ADORA2B: variants seen among roughly 807,000 people sequenced by gnomAD.
The protein encoded by ADORA2B is adenosine A2b receptor.
In ADORA2B, 18 loss-of-function variants were observed where a neutral mutation model predicts 20.8. That is an observed-to-expected ratio of 0.87 (90% CI 0.60 to 1.29). The LOEUF (loss-of-function observed/expected upper bound fraction) is 1.29. ADORA2B is among the 50% of genes most tolerant of loss of function. ADORA2B has a pLI of 0.00. For missense variants in ADORA2B, 441 were observed against 422.7 expected, an observed-to-expected ratio of 1.04 and a Z score of -0.38; for synonymous variants, 179 against 178.3, an observed-to-expected ratio of 1.00 and a Z score of -0.03.
chr17:15,917,410 G>T, the ADORA2B span, among the ~76,000 whole-genome samples: 1 of 152,230 alleles, frequency 6.6e-6, no homozygotes, highest in African/African-American at 2.4e-5. Flanking sequence ...CCCAAGGGGC[G>T]CCCACAAGGC....
chr17:15,879,295 T>C, the ADORA2B span, among the ~76,000 whole-genome samples: 1 of 151,840 alleles, frequency 6.6e-6, no homozygotes, highest in Non-Finnish European at 1.5e-5. Flanking sequence ...ACAAAAATGT[T>C]TTAGAAAAAT....
chr17:15,936,543 C>T, the ADORA2B span, among the ~76,000 whole-genome samples: 1 of 152,150 alleles, frequency 6.6e-6, no homozygotes, highest in Admixed American at 6.5e-5. Context: ...TGGTCTCAAA[C>T]TCCTGACCTC....
At chr17:15,968,411 C>G (rs551324164) in intron 1 of ADORA2B, among the ~76,000 whole-genome samples, 1 of 152,148 alleles carries the variant, frequency 6.6e-6, no homozygotes, top group African/African-American at 2.4e-5. Flanking sequence ...TACATACATA[C>G]CATAACATCG....
chr17:15,946,359 CTT>C (rs1048924165), intron 1 of ADORA2B, among the ~76,000 whole-genome samples: 1 of 152,224 alleles, frequency 6.6e-6, no homozygotes, highest in Admixed American at 6.5e-5. Context: ...CTTGTCCACT[CTT>C]TCTCCCACAC....
At chr17:15,860,373 C>G in the ADORA2B span, among the ~76,000 whole-genome samples, 1 of 152,134 alleles carries the variant, frequency 6.6e-6, no homozygotes, top group Admixed American at 6.5e-5. Context: ...AATGGCCTTT[C>G]TCATGTAAAA....
At chr17:15,952,161 A>G (rs1969913394) in intron 1 of ADORA2B, among the ~76,000 whole-genome samples, 1 of 152,176 alleles carries the variant, frequency 6.6e-6, no homozygotes, top group Admixed American at 6.5e-5. Flanking sequence ...GACCACGTGC[A>G]GGGCAGGACC....
intron 1 of ADORA2B, among the ~76,000 whole-genome samples, chr17:15,955,971 C>T (rs1346688012): frequency 4.6e-5 from 7 of 152,024 alleles, no homozygotes; most frequent in Middle Eastern, 3.4e-3. Flanking sequence ...CTGCCTGCCT[C>T]GGCCTCCATA....
chr17:15,956,923 A>T (rs1969973521), intron 1 of ADORA2B, among the ~76,000 whole-genome samples: 2 of 152,180 alleles, frequency 1.3e-5, no homozygotes, highest in African/African-American at 4.8e-5. Context: ...TGTCATTAAA[A>T]TGTGATTTTG....
chr17:15,971,556 T>A (rs1388201301), intron 1 of ADORA2B, among the ~76,000 whole-genome samples: 1 of 152,074 alleles, frequency 6.6e-6, no homozygotes, highest in African/African-American at 2.4e-5. Flanking sequence ...CAAGTATTCC[T>A]AGTAAGTAGA....
chr17:15,954,361 C>G (rs959673328), intron 1 of ADORA2B, among the ~76,000 whole-genome samples: 2 of 152,192 alleles, frequency 1.3e-5, no homozygotes, highest in Non-Finnish European at 2.9e-5. Context: ...GGTTTACCAT[C>G]TGGAAATTAG....
In ADORA2B at chr17:15,958,172, C is replaced by T. The variant is rs143048593; in HGVS notation, c.335+12589C>T. The stretch of plus-strand genomic sequence containing the variant: ...TAGCTGGGATTACAGGCGTGCGCCA[C>T]TGCATCCGGCTAATTTTGTATTTTC... On this transcript the variant is annotated intron_variant, in intron 1 of 1. Transcript: ENST00000304222. 8.6e-3 allele frequency among the ~76,000 whole-genome samples: 1,307 copies of T among 152,286 alleles called. 23 individuals carry two copies. The highest frequency in any genetic ancestry group is 0.03 in the African/African-American group (1,237 of 41,556).
chr17:15,894,035 A>C, the ADORA2B span, among the ~76,000 whole-genome samples: 1 of 152,360 alleles, frequency 6.6e-6, no homozygotes, highest in South Asian at 2.1e-4. Context: ...CATGGGCAGC[A>C]GTTTGTCAAC....
chr17:15,901,919 T>C, the ADORA2B span, among the ~76,000 whole-genome samples: 1 of 152,180 alleles, frequency 6.6e-6, no homozygotes, highest in Non-Finnish European at 1.5e-5. Flanking sequence ...TAGTTTACAG[T>C]TCAGTGGTAT....
intron 1 of ADORA2B, among the ~76,000 whole-genome samples, chr17:15,952,881 C>G (rs1344033781): frequency 6.6e-6 from 1 of 152,220 alleles, no homozygotes; most frequent in Admixed American, 6.5e-5. Context: ...ATTATTAACT[C>G]GATAGGCTCT....
At chr17:15,931,101 G>A in the ADORA2B span, among the ~76,000 whole-genome samples, 4,432 of 152,264 alleles carry the variant, frequency 0.029, 209 homozygotes, top group African/African-American at 0.1. Flanking sequence ...AGGATCGCTT[G>A]AGCCCAGGAG....
Position 15,945,404 on chromosome 17 carries a change from C to T in ADORA2B, c.156C>T (p.Ala52=), listed in dbSNP as rs779532073. The T allele has an allele frequency of 1.2e-6, 2 of 1,613,530 alleles. No homozygotes were observed. The highest frequency in any genetic ancestry group is 2.2e-5 in the East Asian group (1 of 44,856). The part of the protein sequence containing the change: ...TNYFLVSLAA[A]DVAVGLFAIP... Reference sequence around the variant, plus strand: ...ACTTCCTGGTGTCCCTGGCTGCGGCCGACGTGGCCGTGGGGCTCTTCGCCA... The same window carrying T: ...ACTTCCTGGTGTCCCTGGCTGCGGCTGACGTGGCCGTGGGGCTCTTCGCCA... Residue 52 remains alanine (A), a synonymous_variant, in exon 1 of 2, where the codon GCC becomes GCT. Transcript: ENST00000304222.
At chr17:15,862,219 T>TC in the ADORA2B span, among the ~76,000 whole-genome samples, 4 of 121,686 alleles carry the variant, frequency 3.3e-5, no homozygotes, top group East Asian at 6.1e-4. Context: ...TTCTTTTTTT[T>TC]TTTTTTTTTT....
the ADORA2B span, among the ~76,000 whole-genome samples, chr17:15,852,382 A>G: frequency 6.6e-6 from 1 of 152,188 alleles, no homozygotes; most frequent in African/African-American, 2.4e-5. Context: ...ATCTTTCCCT[A>G]TCTTAACTGA....
chr17:15,878,494 A>G, the ADORA2B span, among the ~76,000 whole-genome samples: 2 of 152,222 alleles, frequency 1.3e-5, no homozygotes, highest in Non-Finnish European at 2.9e-5. Flanking sequence ...CATTGTCGTC[A>G]TGATTTTTAT....
Sources: gnomAD v4.1 joint callset for allele counts (sites outside exome capture counted in the v4.1 genomes callset) on GRCh38, gnomAD v4.1.1 for gene constraint, MANE v1.5 for transcripts, NCBI Gene and HGNC (gene_info 2026-07-23, HGNC 2026-07-21) for gene names.